APOLD1: variants seen among roughly 807,000 people sequenced by gnomAD.
APOLD1 encodes the protein apolipoprotein L domain containing 1.
In APOLD1, 22 loss-of-function variants were observed where a neutral mutation model predicts 15.3. The ratio of observed to expected loss-of-function variants is 1.44; its 90% CI spans 1.03 to 2.05. The LOEUF (loss-of-function observed/expected upper bound fraction) is 2.05. APOLD1 is among the 30% of genes most tolerant of loss of function. The pLI is 0.00. For synonymous variants in APOLD1, 190 were observed against 167.4 expected (o/e 1.13, Z -1.04); for missense variants, 394 against 353.5 (o/e 1.11, Z -0.92).
intron 1 of APOLD1, among the ~76,000 whole-genome samples, chr12:12,753,709 A>G (rs908214092): frequency 6.6e-6 from 1 of 152,096 alleles, no homozygotes; most frequent in African/African-American, 2.4e-5. Flanking sequence ...TGAGTAGGGA[A>G]GAGAGGCAGT....
rs552736326 is a variant in APOLD1, at chr12:12,751,620, G to A, written c.96+25524G>A. On this transcript the variant is annotated intron_variant, in intron 1 of 1. Coordinates refer to the APOLD1 transcript ENST00000326765. ...CCCACCTTGGCCTACCAAAGTGCTA[G>A]GACTATAGGCGTGAGCCAGCACGCC... is the stretch of plus-strand genomic sequence containing the variant. Among the ~76,000 whole-genome samples, 58 of 131,226 alleles carry A rather than the reference G, an allele frequency of 4.4e-4. 1 individual carries two copies. In the South Asian group the frequency reaches 9.4e-3, roughly 21 times the overall value. 86.1% of individuals were successfully genotyped at this position (131,226 alleles called of 152,430 possible).
rs1292773749 is a variant in APOLD1 at position 12,770,040 on chromosome 12, T to G, written c.97-16869T>G. 5.1e-4 allele frequency among the ~76,000 whole-genome samples: 77 copies of G among 152,250 alleles called. 1 individual carries two copies. The highest frequency in any genetic ancestry group is 1.0e-4 in the Non-Finnish European group (7 of 68,012). On this transcript the variant is annotated intron_variant, in intron 1 of 1. Transcript: ENST00000326765. ...AAGCAAGCATCAGAACCAGATGCTC[T>G]GGATAAAGTAGACAGCATGCAAGAA...
At chr12:12,731,119 C>T (rs1276281606) in intron 1 of APOLD1, among the ~76,000 whole-genome samples, 1 of 152,056 alleles carries the variant, frequency 6.6e-6, no homozygotes, top group East Asian at 1.9e-4. Context: ...CCAGCCTGGG[C>T]GACAGAGCAA....
intron 1 of APOLD1, among the ~76,000 whole-genome samples, chr12:12,763,251 CA>C (rs1441795391): frequency 1.3e-5 from 2 of 152,128 alleles, no homozygotes; most frequent in Non-Finnish European, 2.9e-5. Flanking sequence ...CATTACCTCA[CA>C]TTTTTTTTTG....
intron 1 of APOLD1, among the ~76,000 whole-genome samples, chr12:12,746,522 A>AATAAATAAATAAATAC (rs1555089077): frequency 1.7e-4 from 24 of 144,158 alleles, no homozygotes; most frequent in African/African-American, 6.0e-4. Context: ...TAAATACATA[A>AATAAATAAATAAATAC]ATACATACAT....
intron 1 of APOLD1, among the ~76,000 whole-genome samples, chr12:12,759,857 A>T (rs371020776): frequency 6.6e-6 from 1 of 152,214 alleles, no homozygotes; most frequent in Non-Finnish European, 1.5e-5. Flanking sequence ...CTAAATTTCT[A>T]CTTCTTACCA....
At chr12:12,743,288 A>G (rs1044469479) in intron 1 of APOLD1, among the ~76,000 whole-genome samples, 6 of 152,224 alleles carry the variant, frequency 3.9e-5, no homozygotes, top group African/African-American at 1.4e-4. Context: ...CCTAGCTACT[A>G]ACGAGGCTGA....
intron 1 of APOLD1, among the ~76,000 whole-genome samples, chr12:12,777,907 T>TG (rs1162071686): frequency 3.3e-5 from 1 of 30,256 alleles, no homozygotes; most frequent in African/African-American, 8.1e-5. Context: ...TTTTTTTTTT[T>TG]TTTTTTTTTT....
At chr12:12,742,309 G>A (rs1029349160) in intron 1 of APOLD1, among the ~76,000 whole-genome samples, 8 of 152,170 alleles carry the variant, frequency 5.3e-5, no homozygotes, top group East Asian at 1.9e-4. Context: ...TTTTAGGGTC[G>A]AGAAGCCCCC....
chr12:12,750,990 T>C (rs74800128), intron 1 of APOLD1, among the ~76,000 whole-genome samples: 2 of 151,792 alleles, frequency 1.3e-5, no homozygotes, highest in African/African-American at 2.4e-5. Flanking sequence ...GATTTCACCA[T>C]GTTGCCCCAG....
At chr12:12,753,971 T>G (rs1443584855) in intron 1 of APOLD1, among the ~76,000 whole-genome samples, 1 of 151,026 alleles carries the variant, frequency 6.6e-6, no homozygotes, top group South Asian at 2.1e-4. Context: ...TCCCAGCGCT[T>G]TGGAAGGCTG....
At chr12:12,760,645 A>AG (rs2136385760) in intron 1 of APOLD1, among the ~76,000 whole-genome samples, 1 of 151,752 alleles carries the variant, frequency 6.6e-6, no homozygotes, top group East Asian at 1.9e-4. Context: ...GTCTCAAAAA[A>AG]AAAAAAAAAA....
chr12:12,750,905 G>A (rs1454190461), intron 1 of APOLD1, among the ~76,000 whole-genome samples: 1 of 151,704 alleles, frequency 6.6e-6, no homozygotes, highest in Non-Finnish European at 1.5e-5. Flanking sequence ...CTCGCAAGTA[G>A]CTGGGACTAT....
At chr12:12,766,629 A>T (rs1946944294) in intron 1 of APOLD1, among the ~76,000 whole-genome samples, 1 of 152,190 alleles carries the variant, frequency 6.6e-6, no homozygotes, top group Non-Finnish European at 1.5e-5. Flanking sequence ...TGCCTGGATC[A>T]CCTAAGGTCA....
intron 1 of APOLD1, among the ~76,000 whole-genome samples, chr12:12,756,242 G>A (rs549428801): frequency 2.0e-5 from 3 of 152,308 alleles, no homozygotes; most frequent in East Asian, 1.9e-4. Flanking sequence ...GCCAGCAATC[G>A]ATTTTTCCAG....
chr12:12,744,774 G>A lies in APOLD1; in HGVS notation c.96+18678G>A, dbSNP rs1318543454. Among the ~76,000 whole-genome samples the A allele has an allele frequency of 2.6e-5, 4 of 152,266 alleles. No homozygotes were observed. In the East Asian group the frequency reaches 5.8e-4, roughly 22 times the overall value. On this transcript the variant is annotated intron_variant, in intron 1 of 1. Coordinates refer to the APOLD1 transcript ENST00000326765. The stretch of plus-strand genomic sequence containing the variant: ...ATTAAGCTGCTTTCCTGTTGCCTGT[G>A]CTCAGTGTCTGTCTGGCTCCTGGCC...
intron 1 of APOLD1, among the ~76,000 whole-genome samples, chr12:12,779,497 A>T (rs1287729624): frequency 6.6e-6 from 1 of 152,208 alleles, no homozygotes; most frequent in Non-Finnish European, 1.5e-5. Context: ...TGGTGGCATT[A>T]TAAATGGGTT....
chr12:12,787,851 C>T lies in APOLD1; in HGVS notation c.*199C>T, dbSNP rs1947146395. 2.4e-5 allele frequency: 17 copies of T among 714,514 alleles called. No homozygotes were observed. In the South Asian group the frequency reaches 2.7e-4, roughly 11 times the overall value. 44.3% of individuals were successfully genotyped at this position (714,514 alleles called of 1,614,324 possible). A position where few individuals can be genotyped will look rare whatever the true frequency, so the allele number is the denominator to read the frequency against. ...GACATCTGCCTGGGCTTGAGTGCTA[C>T]GGACTTTTCAGTCTTCCTAGTGGAA... is the stretch of plus-strand genomic sequence containing the variant. On this transcript the variant is annotated 3_prime_UTR_variant, in exon 2 of 2. Coordinates refer to ENST00000356591, the MANE Select transcript of APOLD1 (RefSeq NM_030817.3). This position sits in a 1 kb window ranked among gnomAD's most constrained non-coding sequence, Gnocchi z 4.9.
At position 12,787,014 on chromosome 12, in the gene APOLD1, C is replaced by A. The variant is rs1222856903; in HGVS notation, c.109C>A (p.Arg37Ser). Residue 37 changes from arginine (R) to serine (S), a missense_variant, in exon 2 of 2, where the codon CGC (arginine) becomes AGC (serine). Physicochemically the swap from Arg to Ser is moderately radical, Grantham distance 110. Transcript: ENST00000356591. This position sits in a 1 kb window ranked among gnomAD's most constrained non-coding sequence, Gnocchi z 4.9. ...AGGCCGGCTGCACGGCCAGGTGCTG[C>A]GCCTGCGCGAGGTGGCCCGGCGCCT... ...RRGRLHGQVLRLREVARRLER... is the reference protein window; with the variant it reads ...RRGRLHGQVLSLREVARRLER... 1 of 1,391,978 alleles carries A rather than the reference C, an allele frequency of 7.2e-7. No individual in the cohort carries two copies. The highest frequency in any genetic ancestry group is 9.2e-7 in the Non-Finnish European group (1 of 1,084,766). 86.2% of individuals were successfully genotyped at this position (1,391,978 alleles called of 1,614,324 possible).
Sources: gnomAD v4.1 joint callset for allele counts (sites outside exome capture counted in the v4.1 genomes callset) on GRCh38, gnomAD v4.1.1 for gene constraint, Gnocchi (gnomAD v3.1) non-coding constraint, MANE v1.5 for transcripts, NCBI Gene and HGNC (gene_info 2026-07-23, HGNC 2026-07-21) for gene names.